MAGI2: variants seen among roughly 807,000 people sequenced by gnomAD.
MAGI2 encodes the protein membrane associated guanylate kinase, WW and PDZ domain containing 2, also known as membrane-associated guanylate kinase, WW and PDZ domain-containing protein 2.
Under a neutral mutation model 133.3 loss-of-function variants are expected in MAGI2, and 35 were observed. That is an observed-to-expected ratio of 0.26 (90% CI 0.20 to 0.35). MAGI2 has a LOEUF of 0.35. Ranked by LOEUF, MAGI2 falls within the 10% of genes least tolerant of loss-of-function variation. The pLI is 1.00. For missense variants in MAGI2, 1,636 were observed against 1,863.4 expected (o/e 0.88, Z 2.25); for synonymous variants, 729 against 710.6 (o/e 1.03, Z -0.41).
chr7:79,201,433 G>C (rs1312503642), intron 1 of MAGI2, among the ~76,000 whole-genome samples: 1 of 151,968 alleles, frequency 6.6e-6, no homozygotes, highest in Non-Finnish European at 1.5e-5. Context: ...CAGGGTGTGT[G>C]CCTCTGATGT....
At chr7:79,196,741 T>A (rs927934443) in intron 1 of MAGI2, among the ~76,000 whole-genome samples, 1 of 151,886 alleles carries the variant, frequency 6.6e-6, no homozygotes, top group Non-Finnish European at 1.5e-5. Flanking sequence ...AGATATGGCA[T>A]ATTCCTATCA....
intron 3 of MAGI2, among the ~76,000 whole-genome samples, chr7:78,620,931 A>G (rs780130033): frequency 1.3e-5 from 2 of 152,004 alleles, no homozygotes; most frequent in Non-Finnish European, 2.9e-5. Flanking sequence ...AATGAAATCA[A>G]TCCAAGCACA....
At chr7:79,205,195 A>G (rs1041267112) in intron 1 of MAGI2, among the ~76,000 whole-genome samples, 1 of 152,052 alleles carries the variant, frequency 6.6e-6, no homozygotes, top group African/African-American at 2.4e-5. Flanking sequence ...CAATTGTCAA[A>G]TATCAAACAC....
At chr7:78,282,560 T>C (rs1795726743) in intron 9 of MAGI2, among the ~76,000 whole-genome samples, 1 of 152,008 alleles carries the variant, frequency 6.6e-6, no homozygotes, top group African/African-American at 2.4e-5. Flanking sequence ...TTCCAGGAAA[T>C]GTTTGCTGAC....
chr7:78,706,780 A>T (rs112424158), intron 2 of MAGI2, among the ~76,000 whole-genome samples: 15,202 of 152,144 alleles, frequency 0.1, 1,006 homozygotes, highest in Middle Eastern at 0.18. Context: ...GCCCTGAAAC[A>T]ATGCATAGGA....
rs144784755 is a variant in MAGI2 at position 79,311,606 on chromosome 7, T to C, written c.301+141414A>G. On this transcript the variant is annotated intron_variant, in intron 1 of 21. Coordinates refer to ENST00000354212, the MANE Select transcript of MAGI2 (RefSeq NM_012301.4). Reference sequence around the variant, plus strand: ...TTCCCTTCACTGCTTTATTTGATGTTTCATCAGTTCTCATAACTTTACGTA... The same window carrying C: ...TTCCCTTCACTGCTTTATTTGATGTCTCATCAGTTCTCATAACTTTACGTA... Among the ~76,000 whole-genome samples the C allele has an allele frequency of 1.9e-3, 286 of 152,204 alleles. 1 individual carries two copies. The highest frequency in any genetic ancestry group is 6.3e-3 in the African/African-American group (263 of 41,540).
At chr7:79,428,620 A>T (rs540634028) in intron 1 of MAGI2, among the ~76,000 whole-genome samples, 18 of 152,202 alleles carry the variant, frequency 1.2e-4, no homozygotes, top group Non-Finnish European at 2.2e-4. Flanking sequence ...AAATATTTTA[A>T]TTTCAAAAAT....
At chr7:78,817,868 C>A (rs1328169733) in intron 2 of MAGI2, among the ~76,000 whole-genome samples, 1 of 152,020 alleles carries the variant, frequency 6.6e-6, no homozygotes, top group Non-Finnish European at 1.5e-5. Context: ...CACCACCATG[C>A]CCGGCTATTT....
rs796371005 is a variant in MAGI2, at chr7:78,557,080, C to CAAAAAAAAAAAAAAAA, written c.539-35451_539-35436dup. On this transcript the variant is annotated intron_variant, in intron 3 of 21. Coordinates refer to ENST00000354212, the MANE Select transcript of MAGI2 (RefSeq NM_012301.4). ...TACTCCAGCCTGGGTGGCAGAGTCTCAAAAAAAAAAAAAAAAAAAAGAAAA... is the reference window on the plus strand; with the variant it reads ...TACTCCAGCCTGGGTGGCAGAGTCTCAAAAAAAAAAAAAAAAAAAAAAAAAAAAAAAAAAAAGAAAA... Among the ~76,000 whole-genome samples, 120 of 40,750 alleles carry CAAAAAAAAAAAAAAAA rather than the reference C, an allele frequency of 2.9e-3. 6 individuals carry two copies. Among genetic ancestry groups the CAAAAAAAAAAAAAAAA allele is most frequent in the African/African-American group, 0.011 (93 of 8,588 alleles). The allele number at this position is 40,750 out of a possible 152,430, so 26.7% of individuals were successfully genotyped here.
chr7:78,647,442 G>C (rs1188564904), intron 2 of MAGI2, among the ~76,000 whole-genome samples: 4 of 152,080 alleles, frequency 2.6e-5, no homozygotes, highest in African/African-American at 9.7e-5. Flanking sequence ...AAACCACAAT[G>C]AGATACCATC....
At chr7:79,131,359 G>C (rs1384565331) in intron 1 of MAGI2, among the ~76,000 whole-genome samples, 1 of 152,152 alleles carries the variant, frequency 6.6e-6, no homozygotes, top group Non-Finnish European at 1.5e-5. Context: ...CTCCAAGAAG[G>C]AGTAGGTAGG....
At chr7:78,926,856 G>A (rs1227663449) in intron 2 of MAGI2, among the ~76,000 whole-genome samples, 1 of 151,612 alleles carries the variant, frequency 6.6e-6, no homozygotes, top group Non-Finnish European at 1.5e-5. Flanking sequence ...TGCAAAAGTG[G>A]AACATGAGTA....
At chr7:78,760,126 T>A (rs1020581828) in intron 2 of MAGI2, among the ~76,000 whole-genome samples, 1 of 149,074 alleles carries the variant, frequency 6.7e-6, no homozygotes, top group Non-Finnish European at 1.5e-5. Context: ...AAAAAAAAAA[T>A]AAAATAAACA....
chr7:78,711,072 A>G (rs1819138829), intron 2 of MAGI2, among the ~76,000 whole-genome samples: 2 of 152,180 alleles, frequency 1.3e-5, no homozygotes, highest in Admixed American at 1.3e-4. Context: ...AGGACTTTGC[A>G]ATATTCAAAG....
intron 2 of MAGI2, among the ~76,000 whole-genome samples, chr7:78,956,808 A>T (rs917935023): frequency 6.6e-6 from 1 of 152,212 alleles, no homozygotes; most frequent in African/African-American, 2.4e-5. Flanking sequence ...AGAAACTAAA[A>T]AGTGATCTGA....
At chr7:78,510,322 G>C (rs1487864479) in intron 4 of MAGI2, among the ~76,000 whole-genome samples, 18 of 152,028 alleles carry the variant, frequency 1.2e-4, no homozygotes, top group Non-Finnish European at 2.6e-4. Flanking sequence ...CTGTACAATG[G>C]GGATAATGAA....
intron 4 of MAGI2, among the ~76,000 whole-genome samples, chr7:78,512,481 C>T (rs966846026): frequency 1.3e-5 from 2 of 152,212 alleles, no homozygotes; most frequent in African/African-American, 2.4e-5. Context: ...TCTCAGCTCA[C>T]TGCAACCTCC....
intron 3 of MAGI2, among the ~76,000 whole-genome samples, chr7:78,578,966 G>A (rs936895445): frequency 6.6e-6 from 1 of 151,948 alleles, no homozygotes; most frequent in Non-Finnish European, 1.5e-5. Context: ...TGTCTCCATT[G>A]TGAGTCCCAA....
At chr7:79,242,364 G>C (rs1159461390) in intron 1 of MAGI2, among the ~76,000 whole-genome samples, 1 of 152,008 alleles carries the variant, frequency 6.6e-6, no homozygotes, top group African/African-American at 2.4e-5. Flanking sequence ...TTTCTCACAG[G>C]TTGTTTTAAA....
Sources: gnomAD v4.1 joint callset for allele counts (sites outside exome capture counted in the v4.1 genomes callset) on GRCh38, gnomAD v4.1.1 for gene constraint, MANE v1.5 for transcripts, NCBI Gene and HGNC (gene_info 2026-07-23, HGNC 2026-07-21) for gene names.